The following DRP2 variants were observed in gnomAD, a reference collection of about 807,000 sequenced individuals.
DRP2 encodes dystrophin related protein 2, also known as dystrophin-related protein 2.
DRP2 carries 29 observed loss-of-function variants against 78.2 expected under a neutral mutation model. That is an observed-to-expected ratio of 0.37 (90% CI 0.28 to 0.51). The LOEUF is 0.51. Among genes scored for constraint, DRP2 ranks in the 20% least tolerant of loss-of-function variants. The probability of loss-of-function intolerance (pLI) is 0.94; values close to 1 mark genes in which losing one functional copy is unlikely to be tolerated. For synonymous variants in DRP2, 290 were observed against 281.9 expected, an observed-to-expected ratio of 1.03 and a Z score of -0.29; for missense variants, 686 against 770.6, an observed-to-expected ratio of 0.89 and a Z score of 1.30.
Position 101,247,075 on chromosome X carries a change from C to T in DRP2, c.1178-15C>T. 10 of 1,207,009 alleles carry T rather than the reference C, an allele frequency of 8.3e-6. No individual in the cohort carries two copies. The highest frequency in any genetic ancestry group is 1.7e-5 in the African/African-American group (1 of 57,604). On this transcript the variant is annotated splice_polypyrimidine_tract_variant and intron_variant, in intron 11 of 23. Transcript: ENST00000395209. ...ATTTTTCTGATCTGAGTGGGTCTCT[C>T]TCCATTCTTTGCAGCTGATCTGAAC... is the stretch of plus-strand genomic sequence containing the variant.
At chrX:101,236,117 C>A in intron 4 of DRP2, 94 bp downstream of exon 4, 2 of 998,426 alleles carry the variant, frequency 2.0e-6, no homozygotes, top group South Asian at 2.1e-5. Flanking sequence ...TGTGCATCCC[C>A]CTTTCCTTAG....
In DRP2 at chrX:101,260,896, A is replaced by G. The variant is rs1261436284; in HGVS notation, c.*275A>G. On this transcript the variant is annotated 3_prime_UTR_variant, in exon 24 of 24. Transcript: ENST00000395209. ...TTTAAGTACCTTTCTGTTGCAGCCCAGGCAAATATCACTTGGCCATTCAGA... is the reference window on the plus strand; with the variant it reads ...TTTAAGTACCTTTCTGTTGCAGCCCGGGCAAATATCACTTGGCCATTCAGA... 1 of 275,288 alleles carries G rather than the reference A, an allele frequency of 3.6e-6. No homozygotes were observed. The highest frequency in any genetic ancestry group is 6.3e-5 in the Admixed American group (1 of 15,886). 22.7% of individuals were successfully genotyped at this position (275,288 alleles called of 1,213,427 possible).
chrX:101,241,481 A>T lies in DRP2; in HGVS notation c.560-187A>T, dbSNP rs1922723749. 2.7e-5 allele frequency among the ~76,000 whole-genome samples: 3 copies of T among 111,481 alleles called. No homozygotes were observed. The Admixed American group carries it at 2.8e-4, about 11-fold the overall frequency. On this transcript the variant is annotated intron_variant, in intron 6 of 23. Transcript: ENST00000395209. ...AAATAAACAGTTTTTTTTTAAAAAAAACGTGACTGTATTAAAGGGCTCAAC... is the reference window on the plus strand; with the variant it reads ...AAATAAACAGTTTTTTTTTAAAAAATACGTGACTGTATTAAAGGGCTCAAC...
chrX:101,256,738 T>C (rs1048290556), intron 21 of DRP2, among the ~76,000 whole-genome samples: 5 of 104,868 alleles, frequency 4.8e-5, no homozygotes, highest in Admixed American at 1.0e-4. Context: ...TTGGTATTTT[T>C]AGTAGAGACG....
In DRP2 at chrX:101,250,497, A is replaced by G; in HGVS notation, c.1615A>G (p.Ile539Val). Residue 539 changes from isoleucine to valine, a missense_variant, in exon 15 of 24, where the codon ATT becomes GTT. This residue lies in a region of DRP2 where 423 missense variants were observed against 531.5 expected (regional missense o/e 0.80). Coordinates refer to ENST00000395209, the MANE Select transcript of DRP2 (RefSeq NM_001939.3). ...RHLGVLLHEAIQVPRQLGEVA... is the reference protein window; with the variant it reads ...RHLGVLLHEAVQVPRQLGEVA... ...CCTTGGTGTCCTGCTTCATGAGGCC[A>G]TTCAGGTGCCCCGTCAGCTGGGTGA... is the stretch of plus-strand genomic sequence containing the variant. 8.3e-7 allele frequency: 1 copy of G among 1,210,886 alleles called. No homozygotes were observed. Among genetic ancestry groups the G allele is most frequent in the Admixed American group, 2.2e-5 (1 of 45,924 alleles).
intron 11 of DRP2, among the ~76,000 whole-genome samples, chrX:101,246,031 A>G (rs1922921481): frequency 8.9e-6 from 1 of 112,463 alleles, no homozygotes; most frequent in Non-Finnish European, 1.9e-5. Context: ...CTCCAAACTC[A>G]TCAACTTGTA....
intron 1 of DRP2, among the ~76,000 whole-genome samples, chrX:101,220,460 A>G (rs772916864): frequency 3.3e-4 from 37 of 110,604 alleles, no homozygotes; most frequent in Non-Finnish European, 6.6e-4. Flanking sequence ...GATTTGAGCA[A>G]CTAAGGTCTA....
intron 5 of DRP2, among the ~76,000 whole-genome samples, chrX:101,238,626 C>T (rs770193106): frequency 6.3e-4 from 70 of 111,260 alleles, no homozygotes; most frequent in Non-Finnish European, 1.2e-3. Flanking sequence ...GTATATATTT[C>T]AACCAAAAAT....
chrX:101,260,209 C>T (rs753343549), intron 23 of DRP2, 40 bp downstream of exon 23: 2 of 1,199,580 alleles, frequency 1.7e-6, no homozygotes, highest in East Asian at 6.0e-5. Context: ...TTCTCCATGG[C>T]TTTGTCCTGC....
At position 101,241,845 on chromosome X, in the gene DRP2, C is replaced by T; in HGVS notation, c.737C>T (p.Thr246Ile). 1.7e-6 allele frequency: 2 copies of T among 1,199,364 alleles called. No homozygotes were observed. The highest frequency in any genetic ancestry group is 2.2e-6 in the Non-Finnish European group (2 of 889,225). Residue 246 changes from threonine to isoleucine, a missense_variant, in exon 7 of 24, where the codon ACT becomes ATT. Thr to Ile is a moderately conservative substitution (Grantham distance 89). Coordinates refer to ENST00000395209, the MANE Select transcript of DRP2 (RefSeq NM_001939.3). ...GGGGCAATGGAGGAACTAAGCACTA[C>T]TCTGAGCCAAGCTGAGGGAGTCCGA... ...IQGAMEELSTTLSQAEGVRAT... is the reference protein window; with the variant it reads ...IQGAMEELSTILSQAEGVRAT...
At chrX:101,242,651 G>T (rs1922775602) in intron 8 of DRP2, among the ~76,000 whole-genome samples, 180 bp downstream of exon 8, 1 of 111,004 alleles carries the variant, frequency 9.0e-6, no homozygotes, top group Non-Finnish European at 1.9e-5. Flanking sequence ...TGAATAAGAG[G>T]GGTCTTTCTG....
rs754934754 is a variant in DRP2 at position 101,235,950 on chromosome X, G to A, written c.208G>A (p.Ala70Thr). 13 of 1,211,789 alleles carry A rather than the reference G, an allele frequency of 1.1e-5. No homozygotes were observed. In the South Asian group the frequency reaches 2.3e-4, roughly 21 times the overall value. Residue 70 changes from alanine to threonine, a missense_variant, in exon 4 of 24, where the codon GCC (alanine) becomes ACC (threonine). Physicochemically the swap from Ala to Thr is moderately conservative, Grantham distance 58 (BLOSUM62 0). Around this residue, in one of 2 missense-constraint regions of DRP2, gnomAD observed 263 missense variants for 239.1 expected, o/e 1.10. Coordinates refer to ENST00000395209, the MANE Select transcript of DRP2 (RefSeq NM_001939.3). ...SLKLLNGSVG[A>T]SGPLEPPAMN... The stretch of plus-strand genomic sequence containing the variant: ...AAAGCTGTTGAACGGGTCTGTTGGT[G>A]CCTCTGGACCCCTGGAACCACCAGC...
intron 3 of DRP2, among the ~76,000 whole-genome samples, chrX:101,232,564 G>A (rs1264545466): frequency 9.0e-6 from 1 of 111,361 alleles, no homozygotes; most frequent in Non-Finnish European, 1.9e-5. Context: ...AGGAAGGGAG[G>A]AAGAAAGGAA....
Position 101,255,250 on chromosome X carries a change from G to A in DRP2, c.2246+1G>A. The A allele has an allele frequency of 8.3e-7, 1 of 1,209,196 alleles. No individual in the cohort carries two copies. The highest frequency in any genetic ancestry group is 1.1e-6 in the Non-Finnish European group (1 of 893,433). The stretch of plus-strand genomic sequence containing the variant: ...ACAGCTTGTCCCCAGATGACAGCAT[G>A]TGAGTTTCCACAGCTGCTTATTTGC... On this transcript the variant is annotated splice_donor_variant, in intron 20 of 23. Coordinates refer to ENST00000395209, the MANE Select transcript of DRP2 (RefSeq NM_001939.3). LOFTEE classifies it high-confidence loss of function.
In DRP2 at chrX:101,245,438, A is replaced by G. The variant is rs1335532627; in HGVS notation, c.1166A>G (p.Tyr389Cys). Residue 389 changes from tyrosine to cysteine, a missense_variant, in exon 11 of 24, where the codon TAC becomes TGC. Tyr to Cys is a radical substitution (Grantham distance 194). This residue lies in a region of DRP2 where 423 missense variants were observed against 531.5 expected (regional missense o/e 0.80). Transcript: ENST00000395209. The stretch of plus-strand genomic sequence containing the variant: ...GACCATCCCAAGATGACAGAGTTAT[A>G]CCAAACCCTAGGTAAGAATGTGGGC... Reference protein sequence around the residue: ...CWDHPKMTELYQTLADLNNIK... With the variant: ...CWDHPKMTELCQTLADLNNIK... The G allele has an allele frequency of 1.6e-5, 19 of 1,204,379 alleles. No individual in the cohort carries two copies. The highest frequency in any genetic ancestry group is 1.8e-5 in the Non-Finnish European group (16 of 891,388).
intron 3 of DRP2, among the ~76,000 whole-genome samples, chrX:101,232,446 A>G (rs1965202760): frequency 9.0e-6 from 1 of 111,340 alleles, no homozygotes; most frequent in Non-Finnish European, 1.9e-5. Context: ...TTTGGGGTCC[A>G]GAGACTATGG....
intron 2 of DRP2, among the ~76,000 whole-genome samples, chrX:101,231,196 C>T (rs1044172400): frequency 1.8e-5 from 2 of 112,456 alleles, no homozygotes; most frequent in Non-Finnish European, 3.8e-5. Context: ...TTCTGAAATA[C>T]GTGCATATTC....
At chrX:101,222,662 T>C (rs1351579681) in intron 1 of DRP2, among the ~76,000 whole-genome samples, 1 of 112,872 alleles carries the variant, frequency 8.9e-6, no homozygotes, top group Non-Finnish European at 1.9e-5. Flanking sequence ...AACTTTCTTT[T>C]CAGCATGGGC....
At chrX:101,235,383 T>G (rs1459435035) in intron 3 of DRP2, among the ~76,000 whole-genome samples, 3 of 112,444 alleles carry the variant, frequency 2.7e-5, no homozygotes, top group African/African-American at 9.7e-5. Context: ...CCTCTATAAA[T>G]CTTTATGGAG....
Sources: allele counts gnomAD v4.1 joint callset (sites outside exome capture counted in the v4.1 genomes callset), GRCh38; gene constraint gnomAD v4.1.1; regional missense constraint gnomAD v4.1.1; transcripts MANE v1.5; gene names NCBI Gene and HGNC (gene_info 2026-07-23, HGNC 2026-07-21).